The following CUBN variants were observed in gnomAD, a reference collection of about 807,000 sequenced individuals.
The protein encoded by CUBN is cubilin.
A neutral mutation model predicts 405.3 loss-of-function variants in CUBN; 282 were observed. The observed-to-expected ratio is 0.70, with a 90% CI of 0.63 to 0.77. CUBN has a LOEUF of 0.77. Ranked by LOEUF, CUBN falls within the 30% of genes least tolerant of loss-of-function variation. The probability of loss-of-function intolerance (pLI) is 0.00; values close to 1 mark genes in which losing one functional copy is unlikely to be tolerated. For missense variants in CUBN, 4,514 were observed against 4,475.2 expected (o/e 1.01, Z -0.25); for synonymous variants, 1,684 against 1,617.0 (o/e 1.04, Z -0.99).
chr10:17,104,282 C>A (rs537908558), intron 12 of CUBN, 137 bp downstream of exon 12: 244 of 704,988 alleles, frequency 3.5e-4, no homozygotes, highest in Non-Finnish European at 5.5e-4. Flanking sequence ...ACCATTTCTG[C>A]AAGGAAAGAC....
intron 13 of CUBN, among the ~76,000 whole-genome samples, chr10:17,100,938 C>T (rs985268369): frequency 5.3e-5 from 8 of 151,996 alleles, no homozygotes; most frequent in Non-Finnish European, 1.0e-4. Flanking sequence ...AAAATGTGTC[C>T]GAATGGATTA....
At chr10:16,950,771 G>A (rs959556266) in intron 33 of CUBN, among the ~76,000 whole-genome samples, 4 of 152,206 alleles carry the variant, frequency 2.6e-5, no homozygotes, top group Admixed American at 6.5e-5. Flanking sequence ...GGCACTATAA[G>A]GGAATATCTT....
intron 29 of CUBN, among the ~76,000 whole-genome samples, chr10:16,986,473 C>A (rs1265821646): frequency 6.6e-6 from 1 of 152,184 alleles, no homozygotes; most frequent in Non-Finnish European, 1.5e-5. Context: ...TAATTCCCCC[C>A]AGCCATCCGG....
chr10:17,108,312 T>A (rs973724429), intron 10 of CUBN, among the ~76,000 whole-genome samples: 6 of 152,194 alleles, frequency 3.9e-5, no homozygotes, highest in African/African-American at 1.4e-4. Context: ...GCAGTCTTTA[T>A]CTAGAAATCA....
chr10:16,877,620 T>G (rs960928640), intron 56 of CUBN, among the ~76,000 whole-genome samples: 3 of 152,202 alleles, frequency 2.0e-5, no homozygotes, highest in African/African-American at 7.2e-5. Flanking sequence ...GGGACTCCTA[T>G]CATGGAGATA....
At chr10:17,042,676 T>G (rs893506792) in intron 26 of CUBN, among the ~76,000 whole-genome samples, 14 of 152,194 alleles carry the variant, frequency 9.2e-5, no homozygotes, top group Non-Finnish European at 1.5e-4. Flanking sequence ...TATGTACTAG[T>G]GATACATTTC....
intron 64 of CUBN, among the ~76,000 whole-genome samples, chr10:16,834,512 A>G (rs1026928041): frequency 2.0e-5 from 3 of 152,184 alleles, no homozygotes; most frequent in Non-Finnish European, 4.4e-5. Flanking sequence ...GAGACCAGGG[A>G]GCATTTATTC....
At chr10:17,084,720 G>C (rs1836064964) in intron 16 of CUBN, among the ~76,000 whole-genome samples, 1 of 152,138 alleles carries the variant, frequency 6.6e-6, no homozygotes, top group East Asian at 1.9e-4. Flanking sequence ...TCTATAAGTT[G>C]CTTTTTAAAT....
intron 28 of CUBN, among the ~76,000 whole-genome samples, chr10:17,015,645 C>A (rs138104822): frequency 7.2e-5 from 11 of 152,154 alleles, no homozygotes. Flanking sequence ...ATAACATGAG[C>A]TGGCACTTGC....
chr10:17,108,712 A>G (rs1291016926), intron 10 of CUBN, among the ~76,000 whole-genome samples: 1 of 152,174 alleles, frequency 6.6e-6, no homozygotes, highest in Non-Finnish European at 1.5e-5. Flanking sequence ...GAAGGGAGAA[A>G]TAGTAAGAGA....
intron 59 of CUBN, among the ~76,000 whole-genome samples, chr10:16,864,566 C>A (rs1047103277): frequency 6.6e-6 from 1 of 151,532 alleles, no homozygotes; most frequent in African/African-American, 2.4e-5. Flanking sequence ...AGATTCAAAA[C>A]GTTATAGGGC....
At chr10:16,953,045 G>A (rs1188283060) in intron 32 of CUBN, among the ~76,000 whole-genome samples, 1 of 152,170 alleles carries the variant, frequency 6.6e-6, no homozygotes, top group Non-Finnish European at 1.5e-5. Flanking sequence ...GGTGGGTTCT[G>A]GGGCTCTTGG....
At chr10:16,846,824 A>T (rs930186435) in intron 60 of CUBN, among the ~76,000 whole-genome samples, 5 of 111,656 alleles carry the variant, frequency 4.5e-5, no homozygotes, top group Non-Finnish European at 9.4e-5. Context: ...AAAAAAAAAA[A>T]AGAAAAGAAA....
chr10:17,007,450 C>G (rs1398838980), intron 28 of CUBN, among the ~76,000 whole-genome samples: 2 of 152,146 alleles, frequency 1.3e-5, no homozygotes, highest in Non-Finnish European at 2.9e-5. Flanking sequence ...AGGTTTGTGT[C>G]GTTCACAAAG....
At position 16,971,436 on chromosome 10, in the gene CUBN, G is replaced by C. The variant is rs529659272; in HGVS notation, c.4695+11048C>G. On this transcript the variant is annotated intron_variant, in intron 31 of 66. Transcript: ENST00000377833. The stretch of plus-strand genomic sequence containing the variant: ...GGTTCCAAACCTCTGCAGACCTCCT[G>C]TCCCCTTAAGTGGGCACATTTGGCA... 1.1e-4 allele frequency among the ~76,000 whole-genome samples: 16 copies of C among 152,264 alleles called. No individual in the cohort carries two copies. In the South Asian group the frequency reaches 3.3e-3, roughly 32 times the overall value.
intron 6 of CUBN, among the ~76,000 whole-genome samples, 193 bp from the exon 7 acceptor site, chr10:17,115,790 G>C (rs998396443): frequency 2.0e-5 from 3 of 152,224 alleles, no homozygotes; most frequent in Admixed American, 2.0e-4. Flanking sequence ...GGTGGATTGA[G>C]TAAATACAAT....
At chr10:16,859,338 A>C (rs998339960) in intron 59 of CUBN, among the ~76,000 whole-genome samples, 6 of 152,220 alleles carry the variant, frequency 3.9e-5, no homozygotes, top group Non-Finnish European at 8.8e-5. Flanking sequence ...ATTTCACCAG[A>C]GAATAGATAT....
At chr10:16,984,356 C>A (rs1321818451) in intron 29 of CUBN, 77 bp from the exon 30 acceptor site, 1 of 1,355,520 alleles carries the variant, frequency 7.4e-7, no homozygotes, top group Admixed American at 1.9e-5. Context: ...CTCATTTTGA[C>A]CCCCGGCTCC....
At chr10:16,935,374 A>G (rs901470784) in intron 39 of CUBN, among the ~76,000 whole-genome samples, 1 of 151,838 alleles carries the variant, frequency 6.6e-6, no homozygotes, top group Admixed American at 6.6e-5. Flanking sequence ...GCTGGTCTCA[A>G]ACTCCTGGGC....
Sources: gnomAD v4.1 joint callset for allele counts (sites outside exome capture counted in the v4.1 genomes callset) on GRCh38, gnomAD v4.1.1 for gene constraint, MANE v1.5 for transcripts, NCBI Gene and HGNC (gene_info 2026-07-23, HGNC 2026-07-21) for gene names.